The following ZNF670 variants were observed in gnomAD, a reference collection of about 807,000 sequenced individuals.
ZNF670 encodes the protein zinc finger protein 670.
In ZNF670, 7 loss-of-function variants were observed where a neutral mutation model predicts 10.9. The ratio of observed to expected loss-of-function variants is 0.64; its 90% CI spans 0.36 to 1.20. The LOEUF (loss-of-function observed/expected upper bound fraction) is 1.20, where lower values mean the gene tolerates loss of function less well. Among genes scored for constraint, ZNF670 ranks in the 50% most tolerant of loss-of-function variants. The pLI is 0.02. For synonymous variants in ZNF670, 136 were observed against 152.7 expected, an observed-to-expected ratio of 0.89 and a Z score of 0.81; for missense variants, 446 against 458.6, an observed-to-expected ratio of 0.97 and a Z score of 0.25.
chr1:247,075,559 T>A (rs1305522777), intron 1 of ZNF670, among the ~76,000 whole-genome samples: 1 of 152,212 alleles, frequency 6.6e-6, no homozygotes, highest in Non-Finnish European at 1.5e-5. Flanking sequence ...GGGGCAGGTC[T>A]TTCCCCTGCT....
chr1:247,075,836 T>C (rs1269097878), intron 1 of ZNF670, among the ~76,000 whole-genome samples: 2 of 152,174 alleles, frequency 1.3e-5, no homozygotes, highest in African/African-American at 4.8e-5. Flanking sequence ...AGCAAAGTCC[T>C]AGAATTCCAT....
chr1:247,039,559 G>A (rs771598369), intron 1 of ZNF670, 22 bp from the exon 2 acceptor site: 1 of 1,549,958 alleles, frequency 6.5e-7, no homozygotes, highest in South Asian at 1.2e-5. Flanking sequence ...CACATATGTG[G>A]AGAGGAGGAT....
At chr1:247,048,894 T>C (rs1277639290) in intron 1 of ZNF670, among the ~76,000 whole-genome samples, 1 of 152,206 alleles carries the variant, frequency 6.6e-6, no homozygotes, top group Non-Finnish European at 1.5e-5. Flanking sequence ...AGTCAAATCA[T>C]ATCACCATCT....
chr1:247,076,658 C>CTTTT (rs553387815), intron 1 of ZNF670, among the ~76,000 whole-genome samples: 107 of 139,884 alleles, frequency 7.6e-4, no homozygotes, highest in African/African-American at 1.2e-3. Flanking sequence ...AATAAACTCT[C>CTTTT]TTTTTTTTTT....
chr1:247,077,382 G>T (rs1671278422), intron 1 of ZNF670, among the ~76,000 whole-genome samples: 1 of 152,178 alleles, frequency 6.6e-6, no homozygotes, highest in Non-Finnish European at 1.5e-5. Flanking sequence ...ACCAAGAAAA[G>T]ATATAAGGGT....
At chr1:247,051,990 A>ATTT (rs146107156) in intron 1 of ZNF670, among the ~76,000 whole-genome samples, 1 of 128,258 alleles carries the variant, frequency 7.8e-6, no homozygotes, top group African/African-American at 2.9e-5. Context: ...CATGTCCTGT[A>ATTT]TTTTTTTTTT....
chr1:247,071,291 A>G (rs909049459), intron 1 of ZNF670, among the ~76,000 whole-genome samples: 5 of 152,276 alleles, frequency 3.3e-5, no homozygotes, highest in African/African-American at 1.2e-4. Context: ...TTACACAGCC[A>G]TAGAAAAAAG....
intron 1 of ZNF670, chr1:247,043,849 A>G: frequency 2.9e-6 from 1 of 340,898 alleles, no homozygotes; most frequent in Non-Finnish European, 5.6e-6. Context: ...ACTGGATGCC[A>G]TTTCCACTAA....
chr1:247,045,875 C>T (rs2103055897), intron 1 of ZNF670, among the ~76,000 whole-genome samples: 1 of 152,200 alleles, frequency 6.6e-6, no homozygotes, highest in East Asian at 1.9e-4. Flanking sequence ...GAAAGCCAGG[C>T]CAATGAGGTC....
In ZNF670 at chr1:247,036,294, T is replaced by TG. The variant is rs1670149094; in HGVS notation, c.*1154dup. On this transcript the variant is annotated 3_prime_UTR_variant, in exon 4 of 4. Coordinates refer to ENST00000366503, the MANE Select transcript of ZNF670 (RefSeq NM_033213.5). ...TCCACAATATACTTGATGGTGAGAC[T>TG]GAATGCTTTCACACGCAGATTAGAC... Among the ~76,000 whole-genome samples the TG allele has an allele frequency of 6.6e-6, 1 of 152,186 alleles. No homozygotes were observed. Among genetic ancestry groups the TG allele is most frequent in the Non-Finnish European group, 1.5e-5 (1 of 68,040 alleles).
chr1:247,054,812 A>AAAT (rs58519181), intron 1 of ZNF670, among the ~76,000 whole-genome samples: 4,191 of 152,128 alleles, frequency 0.028, 191 homozygotes, highest in African/African-American at 0.094. Flanking sequence ...TGCTTGTCTC[A>AAAT]AATAATAATA....
Position 247,034,942 on chromosome 1 carries a change from G to C in ZNF670, c.*2507C>G, listed in dbSNP as rs746097473. On this transcript the variant is annotated 3_prime_UTR_variant, in exon 4 of 4. Transcript: ENST00000366503. The stretch of plus-strand genomic sequence containing the variant: ...TGCCTGCCAAACACAGGTCAAGGTG[G>C]AACATACATCCTCCTGGGGAACGGC... 6.6e-6 allele frequency among the ~76,000 whole-genome samples: 1 copy of C among 152,190 alleles called. No homozygotes were observed. Among genetic ancestry groups the C allele is most frequent in the Non-Finnish European group, 1.5e-5 (1 of 68,036 alleles).
intron 1 of ZNF670, among the ~76,000 whole-genome samples, chr1:247,076,203 T>C (rs985592939): frequency 1.3e-5 from 2 of 151,710 alleles, no homozygotes; most frequent in Non-Finnish European, 2.9e-5. Flanking sequence ...CTCACAGAAA[T>C]ACTCAATGAC....
In ZNF670 at chr1:247,038,831, T is replaced by C. The variant is rs756470571; in HGVS notation, c.170A>G (p.Lys57Arg). The C allele has an allele frequency of 3.7e-6, 6 of 1,613,128 alleles. No individual in the cohort carries two copies. The South Asian group carries it at 5.5e-5, about 15-fold the overall frequency. ...SEDQNIQDDF[K>R]NPGRNLSSHV... The stretch of plus-strand genomic sequence containing the variant: ...TTACCTTAGATTTCTCCCAGGATTT[T>C]TGAAGTCATCTTGGATATTCTGGTC... Residue 57 changes from lysine to arginine, a missense_variant, in exon 3 of 4, where the codon AAA becomes AGA. Coordinates refer to ENST00000366503, the MANE Select transcript of ZNF670 (RefSeq NM_033213.5).
intron 1 of ZNF670, among the ~76,000 whole-genome samples, chr1:247,069,114 A>G (rs1671059315): frequency 6.6e-6 from 1 of 150,934 alleles, no homozygotes; most frequent in African/African-American, 2.5e-5. Context: ...AAAAAGACAT[A>G]CTATTTGATA....
At chr1:247,067,265 A>G (rs59581231) in intron 1 of ZNF670, among the ~76,000 whole-genome samples, 38,718 of 151,208 alleles carry the variant, frequency 0.26, 5,845 homozygotes, top group African/African-American at 0.41. Flanking sequence ...GTGAAACCCC[A>G]TCTCTACTAA....
At chr1:247,060,633 A>G (rs762112972) in intron 1 of ZNF670, among the ~76,000 whole-genome samples, 10 of 152,228 alleles carry the variant, frequency 6.6e-5, no homozygotes, top group Non-Finnish European at 1.5e-4. Context: ...CTATCTGCCC[A>G]ATTTTTCTGC....
chr1:247,046,996 G>A (rs1288859328), intron 1 of ZNF670, among the ~76,000 whole-genome samples: 1 of 152,202 alleles, frequency 6.6e-6, no homozygotes, highest in East Asian at 1.9e-4. Flanking sequence ...GATCGCCTTT[G>A]ACTCCATGTC....
At chr1:247,045,087 G>A (rs942862588) in intron 1 of ZNF670, among the ~76,000 whole-genome samples, 2 of 152,074 alleles carry the variant, frequency 1.3e-5, no homozygotes, top group Non-Finnish European at 2.9e-5. Flanking sequence ...GAGACAGAGA[G>A]GCACATCCAG....
Sources: allele counts gnomAD v4.1 joint callset (sites outside exome capture counted in the v4.1 genomes callset), GRCh38; gene constraint gnomAD v4.1.1; transcripts MANE v1.5; gene names NCBI Gene and HGNC (gene_info 2026-07-23, HGNC 2026-07-21).